The following MOB3B variants were observed in gnomAD, a reference collection of about 807,000 sequenced individuals.
MOB3B encodes the protein MOB kinase activator-like 2B.
MOB3B carries 7 observed loss-of-function variants against 18.7 expected under a neutral mutation model. The ratio of observed to expected loss-of-function variants is 0.37; its 90% CI spans 0.21 to 0.70. MOB3B has a LOEUF of 0.70. Ranked by LOEUF, MOB3B falls within the 30% of genes least tolerant of loss-of-function variation. The probability of loss-of-function intolerance (pLI) is 0.52; values close to 1 mark genes in which losing one functional copy is unlikely to be tolerated. For missense variants in MOB3B, 253 were observed against 281.3 expected (o/e 0.90, Z 0.72); for synonymous variants, 111 against 99.9 (o/e 1.11, Z -0.66).
chr9:27,442,801 C>T (rs1047752584), intron 2 of MOB3B, among the ~76,000 whole-genome samples: 3 of 152,184 alleles, frequency 2.0e-5, no homozygotes, highest in African/African-American at 7.2e-5. Context: ...ACGTTAGCTC[C>T]TTTCATTGCA....
intron 2 of MOB3B, among the ~76,000 whole-genome samples, chr9:27,384,046 A>G (rs1022935043): frequency 1.3e-5 from 2 of 152,224 alleles, no homozygotes; most frequent in African/African-American, 2.4e-5. Context: ...CTTATTTTCA[A>G]TGTGGTGTTT....
At chr9:27,425,231 C>A (rs900213063) in intron 2 of MOB3B, among the ~76,000 whole-genome samples, 21 of 152,096 alleles carry the variant, frequency 1.4e-4, no homozygotes, top group Admixed American at 3.3e-4. Flanking sequence ...CAAAATTAGC[C>A]AGGCATGATG....
At chr9:27,361,747 T>C (rs1339417208) in intron 2 of MOB3B, among the ~76,000 whole-genome samples, 1 of 152,160 alleles carries the variant, frequency 6.6e-6, no homozygotes, top group African/African-American at 2.4e-5. Flanking sequence ...GGGGAAATAG[T>C]AGAGGAGAGA....
At chr9:27,391,889 A>G (rs1821733204) in intron 2 of MOB3B, 1 of 152,260 alleles carries the variant, frequency 6.6e-6, no homozygotes, top group Admixed American at 6.5e-5. Context: ...CTGCTCCAGT[A>G]TTTTAACCAA....
At chr9:27,524,717 A>T in intron 1 of MOB3B, 1 of 1,614,030 alleles carries the variant, frequency 6.2e-7, no homozygotes, top group South Asian at 1.1e-5. Context: ...ACCTGAACCA[A>T]TGCTTGGAGG....
chr9:27,517,181 A>T (rs1447361395), intron 1 of MOB3B, among the ~76,000 whole-genome samples: 1 of 152,108 alleles, frequency 6.6e-6, no homozygotes, highest in African/African-American at 2.4e-5. Context: ...CTTGCCTTTT[A>T]AGATTAAGAC....
At chr9:27,388,779 G>T (rs540390186) in intron 2 of MOB3B, among the ~76,000 whole-genome samples, 1 of 151,842 alleles carries the variant, frequency 6.6e-6, no homozygotes, top group African/African-American at 2.4e-5. Context: ...ATCTCAGTAC[G>T]TGCCTTGGCC....
intron 2 of MOB3B, among the ~76,000 whole-genome samples, chr9:27,434,322 T>TC (rs1563867678): frequency 2.6e-5 from 4 of 151,964 alleles, no homozygotes; most frequent in Non-Finnish European, 5.9e-5. Context: ...TGCTCATGAA[T>TC]ACCAGTCTCC....
chr9:27,331,049 G>A (rs938932190), intron 3 of MOB3B, among the ~76,000 whole-genome samples: 4 of 152,136 alleles, frequency 2.6e-5, no homozygotes, highest in Non-Finnish European at 5.9e-5. Flanking sequence ...AGTTTTCTTC[G>A]AGTAGGGAAA....
At position 27,374,060 on chromosome 9, in the gene MOB3B, G is replaced by A. The variant is rs1389622179; in HGVS notation, c.419-14824C>T. Among the ~76,000 whole-genome samples the A allele has an allele frequency of 3.3e-5, 5 of 152,308 alleles. No homozygotes were observed. The East Asian group carries it at 7.7e-4, about 23-fold the overall frequency. ...GTAACCGATCCAGCTGTTTCTATAC[G>A]TCACTTCCGTTTTCTGTACTTTGCT... is the stretch of plus-strand genomic sequence containing the variant. On this transcript the variant is annotated intron_variant, in intron 2 of 3. Transcript: ENST00000262244.
At chr9:27,472,107 T>C (rs1159916871) in intron 1 of MOB3B, among the ~76,000 whole-genome samples, 2 of 152,234 alleles carry the variant, frequency 1.3e-5, no homozygotes, top group African/African-American at 4.8e-5. Flanking sequence ...CCAACTTGCA[T>C]GGAAATAGTT....
chr9:27,385,300 C>T (rs1455649369), intron 2 of MOB3B, among the ~76,000 whole-genome samples: 4 of 152,180 alleles, frequency 2.6e-5, no homozygotes, highest in African/African-American at 9.7e-5. Flanking sequence ...GCATATCAAC[C>T]TGATCAACAA....
intron 1 of MOB3B, among the ~76,000 whole-genome samples, chr9:27,477,621 A>T (rs1388378886): frequency 6.6e-6 from 1 of 152,264 alleles, no homozygotes; most frequent in Non-Finnish European, 1.5e-5. Flanking sequence ...TACATTAAAA[A>T]TGTCAGTCTG....
At chr9:27,352,353 C>G (rs1438221256) in intron 3 of MOB3B, among the ~76,000 whole-genome samples, 11 of 124,598 alleles carry the variant, frequency 8.8e-5, no homozygotes, top group African/African-American at 3.5e-4. Flanking sequence ...GCCTGGGTGA[C>G]AGAGTGAGAC....
chr9:27,445,773 G>C (rs558993112), intron 2 of MOB3B, among the ~76,000 whole-genome samples: 10 of 152,230 alleles, frequency 6.6e-5, no homozygotes, highest in Non-Finnish European at 1.3e-4. Context: ...AGGCCCCACT[G>C]TGCTGTCACA....
intron 1 of MOB3B, among the ~76,000 whole-genome samples, chr9:27,505,777 A>G (rs1820049070): frequency 6.6e-6 from 1 of 152,154 alleles, no homozygotes; most frequent in Non-Finnish European, 1.5e-5. Context: ...GAAACTGCCT[A>G]TTGACTCACA....
chr9:27,395,625 C>A (rs559784463), intron 2 of MOB3B, among the ~76,000 whole-genome samples: 1 of 152,164 alleles, frequency 6.6e-6, no homozygotes, highest in Admixed American at 6.5e-5. Flanking sequence ...AATACTGCAA[C>A]GCTCAGTGAT....
At chr9:27,344,258 T>C (rs1350678007) in intron 3 of MOB3B, among the ~76,000 whole-genome samples, 2 of 152,226 alleles carry the variant, frequency 1.3e-5, no homozygotes, top group African/African-American at 4.8e-5. Context: ...TGAGCATTAG[T>C]GCATGTTCAT....
At chr9:27,513,812 T>C (rs928317168) in intron 1 of MOB3B, among the ~76,000 whole-genome samples, 1 of 152,170 alleles carries the variant, frequency 6.6e-6, no homozygotes, top group Non-Finnish European at 1.5e-5. Context: ...TATGAGGACA[T>C]GAAGTTTCCC....
Sources: gnomAD v4.1 joint callset for allele counts (sites outside exome capture counted in the v4.1 genomes callset) on GRCh38, gnomAD v4.1.1 for gene constraint, MANE v1.5 for transcripts, NCBI Gene and HGNC (gene_info 2026-07-23, HGNC 2026-07-21) for gene names.